SLC8A1: variants seen among roughly 807,000 people sequenced by gnomAD.
The protein encoded by SLC8A1 is solute carrier family 8 member A1.
SLC8A1 carries 18 observed loss-of-function variants against 68.3 expected under a neutral mutation model. The observed-to-expected ratio is 0.26, with a 90% CI of 0.18 to 0.39. SLC8A1 has a LOEUF of 0.39. SLC8A1 is among the 10% of genes least tolerant of loss of function. The pLI is 1.00. For missense variants in SLC8A1, 985 were observed against 1,156.7 expected, an observed-to-expected ratio of 0.85 and a Z score of 2.15; for synonymous variants, 475 against 415.5, an observed-to-expected ratio of 1.14 and a Z score of -1.74.
chr2:40,238,133 C>G (rs1303779076), intron 2 of SLC8A1, among the ~76,000 whole-genome samples: 2 of 152,190 alleles, frequency 1.3e-5, no homozygotes, highest in Admixed American at 6.5e-5. Flanking sequence ...TGGACTCCAC[C>G]CAGTTCGAGC....
Position 40,156,360 on chromosome 2 carries a change from G to GTTTTTTTTTTTT in SLC8A1, c.2161+4393_2161+4404dup, listed in dbSNP as rs71404280. On this transcript the variant is annotated intron_variant, in intron 6 of 7. Coordinates refer to ENST00000406785, the Ensembl canonical transcript of SLC8A1. ...AAGAGACAGAACCAAAACTGCTGGAGTTTTTTTTTTTTTGAGTCACTTTTG... is the reference window on the plus strand; with the variant it reads ...AAGAGACAGAACCAAAACTGCTGGAGTTTTTTTTTTTTTTTTTTTTTTTTTGAGTCACTTTTG... Among the ~76,000 whole-genome samples, 112 of 140,702 alleles carry GTTTTTTTTTTTT rather than the reference G, an allele frequency of 8.0e-4. 1 individual carries two copies. The highest frequency in any genetic ancestry group is 2.1e-3 in the African/African-American group (80 of 38,564). The allele number at this position is 140,702 out of a possible 152,430, so 92.3% of individuals were successfully genotyped here.
chr2:40,113,873 T>G (rs1020052929), exon 8 of SLC8A1: 1 of 152,802 alleles, frequency 6.5e-6, no homozygotes, highest in African/African-American at 2.4e-5. Context: ...TAATTTTCCA[T>G]GAAGATCTTT....
chr2:40,412,234 T>C (rs1466256747), intron 2 of SLC8A1, among the ~76,000 whole-genome samples: 1 of 152,136 alleles, frequency 6.6e-6, no homozygotes, highest in African/African-American at 2.4e-5. Context: ...TGCGACCATG[T>C]CTATAAAATG....
rs138883143 is a variant in SLC8A1 at position 40,387,429 on chromosome 2, A to C, written c.1808+41044T>G. Among the ~76,000 whole-genome samples, 479 of 151,478 alleles carry C rather than the reference A, an allele frequency of 3.2e-3. 29 individuals are homozygous for C. Among genetic ancestry groups the C allele is most frequent in the African/African-American group, 0.011 (467 of 40,846 alleles). The stretch of plus-strand genomic sequence containing the variant: ...AACTGGCTAAAGTTTCCAAAACTCA[A>C]ACTTTTTTTTTCCATAATTTTTGCA... On this transcript the variant is annotated intron_variant, in intron 2 of 7. Transcript: ENST00000406785.
chr2:40,473,991 C>A (rs187869038), intron 1 of SLC8A1, among the ~76,000 whole-genome samples: 1 of 152,126 alleles, frequency 6.6e-6, no homozygotes, highest in African/African-American at 2.4e-5. Context: ...TTCCACAAAT[C>A]GTAGTCATAG....
upstream of SLC8A1, chr2:40,453,431 C>T (rs749820290): frequency 1.3e-5 from 2 of 152,084 alleles, no homozygotes; most frequent in South Asian, 4.2e-4. Flanking sequence ...GCAGTCACCA[C>T]GACTGATAGA....
chr2:40,368,242 T>C (rs185380262), intron 2 of SLC8A1, among the ~76,000 whole-genome samples: 24 of 152,152 alleles, frequency 1.6e-4, no homozygotes, highest in Non-Finnish European at 3.1e-4. Context: ...CTACAGAAAA[T>C]TCATTTCAAC....
intron 1 of SLC8A1, among the ~76,000 whole-genome samples, chr2:40,432,013 G>A (rs1380460745): frequency 6.6e-6 from 1 of 152,036 alleles, no homozygotes; most frequent in Non-Finnish European, 1.5e-5. Context: ...GTAAAAGGCT[G>A]AAAAATAGAG....
At chr2:40,330,584 GAC>G (rs3060353) in intron 2 of SLC8A1, among the ~76,000 whole-genome samples, 1 of 151,858 alleles carries the variant, frequency 6.6e-6, no homozygotes, top group African/African-American at 2.4e-5. Context: ...TCCAAGCAGG[GAC>G]ACACACACAC....
At chr2:40,382,701 A>C (rs560050003) in intron 2 of SLC8A1, among the ~76,000 whole-genome samples, 51 of 152,200 alleles carry the variant, frequency 3.4e-4, no homozygotes, top group Admixed American at 2.9e-3. Context: ...GGTTTGAGCA[A>C]ATAAGAAAAC....
At chr2:40,338,873 A>G (rs1051750997) in intron 2 of SLC8A1, among the ~76,000 whole-genome samples, 5 of 151,382 alleles carry the variant, frequency 3.3e-5, no homozygotes, top group African/African-American at 1.2e-4. Flanking sequence ...AGCGTGCTGT[A>G]TCTTATATGA....
At chr2:40,482,876 C>T (rs1413662003) in intron 1 of SLC8A1, among the ~76,000 whole-genome samples, 7 of 150,850 alleles carry the variant, frequency 4.6e-5, no homozygotes, top group Non-Finnish European at 1.0e-4. Context: ...CTGCAAGCTC[C>T]GCCTCCCGGG....
intron 2 of SLC8A1, among the ~76,000 whole-genome samples, chr2:40,180,709 G>A (rs139510533): frequency 3.3e-5 from 5 of 152,192 alleles, no homozygotes; most frequent in African/African-American, 9.6e-5. Flanking sequence ...AACATCTGAC[G>A]TTATATTTCT....
chr2:40,479,894 A>G (rs920321171), intron 1 of SLC8A1, among the ~76,000 whole-genome samples: 1 of 152,108 alleles, frequency 6.6e-6, no homozygotes, highest in Non-Finnish European at 1.5e-5. Context: ...CTCAGCTCCC[A>G]TTCCATGGGC....
At chr2:40,348,979 G>A (rs569629305) in intron 2 of SLC8A1, among the ~76,000 whole-genome samples, 2 of 152,232 alleles carry the variant, frequency 1.3e-5, no homozygotes, top group South Asian at 4.1e-4. Context: ...GTGGTGCCAT[G>A]GGCTTTTTTG....
intron 2 of SLC8A1, among the ~76,000 whole-genome samples, chr2:40,230,176 G>A (rs2059475079): frequency 6.6e-6 from 1 of 152,096 alleles, no homozygotes; most frequent in Non-Finnish European, 1.5e-5. Flanking sequence ...CTGAATTATA[G>A]GAAGGTCTCG....
intron 2 of SLC8A1, among the ~76,000 whole-genome samples, chr2:40,247,263 C>T (rs529665883): frequency 2.0e-5 from 3 of 152,282 alleles, no homozygotes; most frequent in South Asian, 2.1e-4. Flanking sequence ...GTCATGGGTG[C>T]AGGCAGTGCT....
At chr2:40,410,879 G>A (rs557524184) in intron 2 of SLC8A1, among the ~76,000 whole-genome samples, 3 of 152,134 alleles carry the variant, frequency 2.0e-5, no homozygotes, top group East Asian at 3.9e-4. Context: ...AGAAAACTAA[G>A]TTCAGGAGTA....
At chr2:40,508,266 T>C (rs1297228930) in intron 1 of SLC8A1, among the ~76,000 whole-genome samples, 1 of 151,916 alleles carries the variant, frequency 6.6e-6, no homozygotes, top group Non-Finnish European at 1.5e-5. Context: ...ATTCAAGACA[T>C]TTCCTCGTCC....
Sources: gnomAD v4.1 joint callset for allele counts (sites outside exome capture counted in the v4.1 genomes callset) on GRCh38, gnomAD v4.1.1 for gene constraint, MANE v1.5 for transcripts, NCBI Gene and HGNC (gene_info 2026-07-23, HGNC 2026-07-21) for gene names.